Variants in GYS2 observed in about 807,000 individuals in gnomAD.
GYS2 encodes glycogen [starch] synthase, liver.
A neutral mutation model predicts 85.6 loss-of-function variants in GYS2; 80 were observed. The observed-to-expected ratio is 0.93, with a 90% CI of 0.78 to 1.13. The LOEUF (loss-of-function observed/expected upper bound fraction) is 1.13. GYS2 is among the 50% of genes most tolerant of loss of function. The pLI, the probability that GYS2 is intolerant of heterozygous loss-of-function variation, is 0.00. For missense variants in GYS2, 881 were observed against 854.9 expected (o/e 1.03, Z -0.38); for synonymous variants, 328 against 300.7 (o/e 1.09, Z -0.94).
chr12:21,575,926 A>G lies in GYS2; in HGVS notation c.435T>C (p.His145=). Reference sequence around the variant, plus strand: ...TCAGCATATCATTGGCTTCTCGGTCATGATAAGGAATGCCGACACTGCATG... The same window carrying G: ...TCAGCATATCATTGGCTTCTCGGTCGTGATAAGGAATGCCGACACTGCATG... ...WEACSVGIPY[H]DREANDMLIF... The change falls in exon 3 of 16, where the codon CAT becomes CAC. Residue 145 remains histidine (H), a synonymous_variant. Transcript: ENST00000261195. 1 of 1,614,034 alleles carries G rather than the reference A, an allele frequency of 6.2e-7. No homozygotes were observed. The highest frequency in any genetic ancestry group is 8.5e-7 in the Non-Finnish European group (1 of 1,179,910).
intron 1 of GYS2, among the ~76,000 whole-genome samples, 156 bp from the exon 2 acceptor site, chr12:21,580,679 T>C (rs1944498975): frequency 6.6e-6 from 1 of 152,222 alleles, no homozygotes; most frequent in Non-Finnish European, 1.5e-5. Context: ...TTTGACATAT[T>C]GTTAAGGGAC....
intron 5 of GYS2, among the ~76,000 whole-genome samples, chr12:21,565,076 TAA>T (rs140073635): frequency 1.3e-5 from 2 of 151,684 alleles, no homozygotes; most frequent in Non-Finnish European, 2.9e-5. Context: ...CAAACAATTA[TAA>T]AAAAAAGATC....
rs367651826 is a variant in GYS2 at position 21,546,537 on chromosome 12, A to C, written c.1423-67T>G. ...GCAAGTAAAGTGAAAAATCTCCTAC[A>C]ATTTGGTTATTTCAGTACTCTACTA... is the stretch of plus-strand genomic sequence containing the variant. On this transcript the variant is annotated intron_variant, in intron 11 of 15. Transcript: ENST00000261195. 9.1e-6 allele frequency: 10 copies of C among 1,094,506 alleles called. No individual in the cohort carries two copies. In the African/African-American group the frequency reaches 1.6e-4, roughly 17 times the overall value. 67.8% of individuals were successfully genotyped at this position (1,094,506 alleles called of 1,614,324 possible).
At chr12:21,562,046 C>A (rs953505741) in intron 7 of GYS2, among the ~76,000 whole-genome samples, 1 of 152,166 alleles carries the variant, frequency 6.6e-6, no homozygotes, top group Admixed American at 6.5e-5. Flanking sequence ...GGAATATAAA[C>A]CAATAGCTGC....
At chr12:21,554,154 AGAAG>A (rs988140092) in intron 11 of GYS2, among the ~76,000 whole-genome samples, 23 of 151,760 alleles carry the variant, frequency 1.5e-4, no homozygotes, top group African/African-American at 2.7e-4. Context: ...GAAGGAAGGA[AGAAG>A]GAAGGAAGGA....
intron 1 of GYS2, among the ~76,000 whole-genome samples, chr12:21,601,505 G>A (rs1267948623): frequency 6.6e-6 from 1 of 152,064 alleles, no homozygotes. Context: ...GAACACTTCT[G>A]CATCTTGGCA....
At chr12:21,540,349 T>C (rs1236793141) in intron 14 of GYS2, 61 bp downstream of exon 14, 1 of 1,271,244 alleles carries the variant, frequency 7.9e-7, no homozygotes, top group Non-Finnish European at 1.2e-6. Flanking sequence ...CTAGAATCAA[T>C]ATGTTTATAG....
downstream of GYS2, chr12:21,535,072 C>G (rs12817009): frequency 0.17 from 26,386 of 152,176 alleles, 2,432 homozygotes; most frequent in Middle Eastern, 0.3. Context: ...GGACTGAGTA[C>G]AGGATAGAAG....
In GYS2 at chr12:21,577,489, C is replaced by A. The variant is rs61926862; in HGVS notation, c.304-1432G>T. On this transcript the variant is annotated intron_variant, in intron 2 of 15. Transcript: ENST00000261195. ...GACCAGTCAGTTCCATTGTGTTTCT[C>A]ATCTAACTCTTCCTTCACCAGAACT... 9.8e-3 allele frequency among the ~76,000 whole-genome samples: 1,492 copies of A among 152,316 alleles called. 16 individuals carry two copies. The highest frequency in any genetic ancestry group is 0.017 in the Admixed American group (261 of 15,292).
At chr12:21,584,470 C>T (rs1485215795) in intron 1 of GYS2, among the ~76,000 whole-genome samples, 2 of 143,170 alleles carry the variant, frequency 1.4e-5, no homozygotes, top group Non-Finnish European at 3.1e-5. Flanking sequence ...TTTCCCAGGC[C>T]ACTCATGTCA....
In GYS2 at chr12:21,536,733, A is replaced by G; in HGVS notation, c.*221T>C. On this transcript the variant is annotated 3_prime_UTR_variant, in exon 16 of 16. Transcript: ENST00000261195. ...CTGCCTTTAATGAGTGCTCCTCCTC[A>G]TGCCTAACTTTATGGGGGAAACAAG... 3.5e-6 allele frequency: 2 copies of G among 577,944 alleles called. No homozygotes were observed. The highest frequency in any genetic ancestry group is 6.1e-6 in the Non-Finnish European group (2 of 325,522). The allele number at this position is 577,944 out of a possible 1,614,324, so 35.8% of individuals were successfully genotyped here. A position where few individuals can be genotyped will look rare whatever the true frequency, so the allele number is the denominator to read the frequency against.
At chr12:21,564,391 A>G (rs1238141739) in intron 5 of GYS2, among the ~76,000 whole-genome samples, 1 of 151,964 alleles carries the variant, frequency 6.6e-6, no homozygotes, top group Admixed American at 6.6e-5. Flanking sequence ...AAATCACGCC[A>G]CTGCACTTCA....
intron 1 of GYS2, among the ~76,000 whole-genome samples, chr12:21,597,366 A>T (rs1310785316): frequency 6.6e-6 from 1 of 152,124 alleles, no homozygotes; most frequent in East Asian, 1.9e-4. Context: ...TGGAAAAACA[A>T]ATAATCTCAT....
At chr12:21,563,898 T>G (rs1944286980) in intron 5 of GYS2, among the ~76,000 whole-genome samples, 1 of 152,208 alleles carries the variant, frequency 6.6e-6, no homozygotes, top group Non-Finnish European at 1.5e-5. Context: ...TCCACAAGTG[T>G]ATGGGACACC....
chr12:21,563,675 C>T (rs371714202), intron 5 of GYS2, among the ~76,000 whole-genome samples: 5 of 152,140 alleles, frequency 3.3e-5, no homozygotes, highest in African/African-American at 1.2e-4. Flanking sequence ...CCAGGTGTTG[C>T]TCTAAAGGCT....
intron 1 of GYS2, among the ~76,000 whole-genome samples, chr12:21,590,800 C>T (rs1944629926): frequency 6.6e-6 from 1 of 152,168 alleles, no homozygotes; most frequent in African/African-American, 2.4e-5. Flanking sequence ...TTCTTGTCTC[C>T]AGCACAACCT....
At chr12:21,602,891 T>C (rs1944769785) in intron 1 of GYS2, among the ~76,000 whole-genome samples, 1 of 152,080 alleles carries the variant, frequency 6.6e-6, no homozygotes, top group South Asian at 2.1e-4. Flanking sequence ...TCTGCTCAGG[T>C]GCAGGAACTT....
chr12:21,577,617 G>T (rs907104915), intron 2 of GYS2, among the ~76,000 whole-genome samples: 2 of 152,132 alleles, frequency 1.3e-5, no homozygotes, highest in African/African-American at 4.8e-5. Flanking sequence ...CCTTCACTAA[G>T]AAATGTTTTC....
chr12:21,539,114 G>A, intron 15 of GYS2, 144 bp downstream of exon 15: 1 of 631,570 alleles, frequency 1.6e-6, no homozygotes, highest in Non-Finnish European at 2.8e-6. Context: ...TGATTTGTGA[G>A]TTCCTCTCTC....
Sources: gnomAD v4.1 joint callset for allele counts (sites outside exome capture counted in the v4.1 genomes callset) on GRCh38, gnomAD v4.1.1 for gene constraint, MANE v1.5 for transcripts, NCBI Gene and HGNC (gene_info 2026-07-23, HGNC 2026-07-21) for gene names.